Variants in GPC1 observed in about 807,000 individuals in gnomAD.
GPC1 encodes glypican 1.
In GPC1, 26 loss-of-function variants were observed where a neutral mutation model predicts 51.5. The ratio of observed to expected loss-of-function variants is 0.50; its 90% confidence interval spans 0.37 to 0.70. The LOEUF is 0.70. Ranked by LOEUF, GPC1 falls within the 30% of genes least tolerant of loss-of-function variation. The pLI is 0.00. For synonymous variants in GPC1, 380 were observed against 348.3 expected (o/e 1.09, Z -1.01); for missense variants, 775 against 800.5 (o/e 0.97, Z 0.38).
In GPC1 at chr2:240,465,047, C is replaced by T. The variant is rs2074249504; in HGVS notation, c.1135-30C>T. ...ACAGGCAGAGGCGGGCGGGCCCTGGCAGCCCAGTGGCCTGACTGCTGCCCC... is the reference window on the plus strand; with the variant it reads ...ACAGGCAGAGGCGGGCGGGCCCTGGTAGCCCAGTGGCCTGACTGCTGCCCC... On this transcript the variant is annotated intron_variant, in intron 6 of 8. Coordinates refer to ENST00000264039, the MANE Select transcript of GPC1 (RefSeq NM_002081.3). 4 of 1,585,096 alleles carry T rather than the reference C, an allele frequency of 2.5e-6. No homozygotes were observed. In the East Asian group the frequency reaches 9.2e-5, roughly 36 times the overall value.
rs765403227 is a variant in GPC1 at position 240,463,335 on chromosome 2, C to T, written c.718-12C>T. ...GGCCTCGGGGCCTGGCTTAGGGTCCCTTGCTCCCCAGGTCCCCCTGGGCCC... is the reference window on the plus strand; with the variant it reads ...GGCCTCGGGGCCTGGCTTAGGGTCCTTTGCTCCCCAGGTCCCCCTGGGCCC... On this transcript the variant is annotated splice_polypyrimidine_tract_variant and intron_variant, in intron 3 of 8. Transcript: ENST00000264039. 6.2e-6 allele frequency: 10 copies of T among 1,611,786 alleles called. No homozygotes were observed. In the East Asian group the frequency reaches 2.2e-4, roughly 36 times the overall value.
chr2:240,463,628 TG>T, intron 4 of GPC1, 116 bp downstream of exon 4: 2 of 849,200 alleles, frequency 2.4e-6, no homozygotes, highest in Non-Finnish European at 3.7e-6. Context: ...TGATCAGGGA[TG>T]CCCTGACCCG....
intron 1 of GPC1, among the ~76,000 whole-genome samples, chr2:240,446,264 A>G (rs11692341): frequency 0.3 from 44,588 of 150,568 alleles, 8,185 homozygotes; most frequent in African/African-American, 0.52. Context: ...TGCGAGTGAG[A>G]GGGACACATC....
chr2:240,453,982 T>C (rs1415231130), intron 1 of GPC1, among the ~76,000 whole-genome samples: 1 of 151,908 alleles, frequency 6.6e-6, no homozygotes, highest in East Asian at 1.9e-4. Flanking sequence ...CGCCCCTCGG[T>C]TTCGGGTCGC....
In GPC1 at chr2:240,467,475, C is replaced by A. The variant is rs2074273823; in HGVS notation, c.*1185C>A. ...CTTGGACCCTGGTGACCTCCTGTCA[C>A]TCACTGAGGCCATCAGGGCCCTGCC... On this transcript the variant is annotated 3_prime_UTR_variant, in exon 9 of 9. Coordinates refer to ENST00000264039, the MANE Select transcript of GPC1 (RefSeq NM_002081.3). 1 of 152,252 alleles carries A rather than the reference C, an allele frequency of 6.6e-6. No individual in the cohort carries two copies. The highest frequency in any genetic ancestry group is 2.4e-5 in the African/African-American group (1 of 41,458). The allele number at this position is 152,252 out of a possible 1,614,324, so 9.4% of individuals were successfully genotyped here.
intron 1 of GPC1, chr2:240,450,550 T>C (rs1239707473): frequency 4.3e-6 from 2 of 467,836 alleles, no homozygotes; most frequent in African/African-American, 2.0e-5. Flanking sequence ...GCGAGGCCCA[T>C]AGTGAGCTCT....
intron 2 of GPC1, among the ~76,000 whole-genome samples, chr2:240,460,756 C>T (rs2074208641): frequency 6.6e-6 from 1 of 152,182 alleles, no homozygotes; most frequent in Non-Finnish European, 1.5e-5. Context: ...ATGTGATGTG[C>T]CCAAGGCCCA....
intron 1 of GPC1, 117 bp from the exon 2 acceptor site, chr2:240,458,913 A>T (rs1195120557): frequency 3.6e-5 from 33 of 912,618 alleles, no homozygotes; most frequent in Admixed American, 3.5e-4. Context: ...AGGCTGGCCC[A>T]CCCCTGAGCT....
chr2:240,452,282 G>C (rs539036414), intron 1 of GPC1: 10 of 152,984 alleles, frequency 6.5e-5, no homozygotes, highest in Admixed American at 6.5e-4. Context: ...TGGCCTGTTG[G>C]GTTTGGTATG....
At position 240,462,567 on chromosome 2, in the gene GPC1, C is replaced by G; in HGVS notation, c.702C>G (p.Val234=). 6.6e-7 allele frequency: 1 copy of G among 1,526,360 alleles called. No individual in the cohort carries two copies. Among genetic ancestry groups the G allele is most frequent in the Non-Finnish European group, 8.8e-7 (1 of 1,140,426 alleles). The allele number at this position is 1,526,360 out of a possible 1,614,324, so 94.6% of individuals were successfully genotyped here. A position where few individuals can be genotyped will look rare whatever the true frequency, so the allele number is the denominator to read the frequency against. ...GCCTGGGCGTGGCCAGCGACGTGGT[C>G]CGGAAAGTGGCTCAGGTGCGCACAG... ...VQGLGVASDV[V]RKVAQVPLGP... is the part of the protein sequence containing the mutation. The change falls in exon 3 of 9, where the codon GTC becomes GTG. Residue 234 remains valine (V), a synonymous_variant. Transcript: ENST00000264039.
intron 1 of GPC1, among the ~76,000 whole-genome samples, chr2:240,456,394 C>T (rs1206243144): frequency 6.6e-6 from 1 of 152,116 alleles, no homozygotes; most frequent in Non-Finnish European, 1.5e-5. Flanking sequence ...CGCCACCCAC[C>T]CTCCTCCCTA....
intron 1 of GPC1, among the ~76,000 whole-genome samples, chr2:240,442,808 T>C (rs951021362): frequency 6.6e-5 from 10 of 152,214 alleles, no homozygotes; most frequent in Non-Finnish European, 1.5e-4. Flanking sequence ...GTTTTGTGAT[T>C]GTGGCCTCCT....
At chr2:240,455,160 C>T (rs2074145657) in intron 1 of GPC1, 1 of 158,056 alleles carries the variant, frequency 6.3e-6, no homozygotes, top group Non-Finnish European at 1.5e-5. Context: ...TGTGCTTTAA[C>T]CTGAGGAGCA....
chr2:240,444,593 T>TCAGCAGTGGCCAC (rs71046000), intron 1 of GPC1, among the ~76,000 whole-genome samples: 63,533 of 151,818 alleles, frequency 0.42, 14,595 homozygotes, highest in Non-Finnish European at 0.51. Context: ...GGGTGCGCCA[T>TCAGCAGTGGCCAC]CAGCAGTGGG....
chr2:240,463,918 GC>G, intron 4 of GPC1: 1 of 263,928 alleles, frequency 3.8e-6, no homozygotes. Flanking sequence ...GTGGGCCAGT[GC>G]CCACCAGTAC....
At chr2:240,458,080 G>C in intron 1 of GPC1, 1 of 470,868 alleles carries the variant, frequency 2.1e-6, no homozygotes, top group Non-Finnish European at 4.4e-6. Flanking sequence ...GGAACCACTT[G>C]CCCCCTCACT....
rs2074068801 is a variant in GPC1 at position 240,448,574 on chromosome 2, C to T, written c.167-10456C>T. Among the ~76,000 whole-genome samples, 1 of 151,780 alleles carries T rather than the reference C, an allele frequency of 6.6e-6. No individual in the cohort carries two copies. The highest frequency in any genetic ancestry group is 2.1e-4 in the South Asian group (1 of 4,808). ...GGTGGGAGTCACGGAGGCAGGGGGC[C>T]CCCATTCCCACCTGCTCCAGGACCC... On this transcript the variant is annotated intron_variant, in intron 1 of 8. Coordinates refer to ENST00000264039, the MANE Select transcript of GPC1 (RefSeq NM_002081.3). The surrounding 1 kb of genome is among the most constrained non-coding windows in gnomAD (Gnocchi z 4.5).
Position 240,465,575 on chromosome 2 carries a change from C to A in GPC1, c.1371C>A (p.Ile457=), listed in dbSNP as rs1362053008. 5 of 1,613,192 alleles carry A rather than the reference C, an allele frequency of 3.1e-6. No homozygotes were observed. The highest frequency in any genetic ancestry group is 4.2e-6 in the Non-Finnish European group (5 of 1,179,998). The change falls in exon 8 of 9, where the codon ATC becomes ATA. Residue 457 remains isoleucine, a synonymous_variant. Coordinates refer to ENST00000264039, the MANE Select transcript of GPC1 (RefSeq NM_002081.3). Reference sequence around the variant, plus strand: ...CGGACATGACCATCCGGCAGCAGATCATGCAGCTGAAGATCATGACCAACC... The same window carrying A: ...CGGACATGACCATCCGGCAGCAGATAATGCAGCTGAAGATCATGACCAACC... ...TKPDMTIRQQ[I]MQLKIMTNRL...
At chr2:240,463,067 C>T (rs911392546) in intron 3 of GPC1, among the ~76,000 whole-genome samples, 4 of 152,184 alleles carry the variant, frequency 2.6e-5, no homozygotes, top group African/African-American at 9.7e-5. Context: ...TGGGAACTGC[C>T]CCCACCTCCA....
Sources: gnomAD v4.1 joint callset for allele counts (sites outside exome capture counted in the v4.1 genomes callset) on GRCh38, gnomAD v4.1.1 for gene constraint, Gnocchi (gnomAD v3.1) non-coding constraint, MANE v1.5 for transcripts, NCBI Gene and HGNC (gene_info 2026-07-23, HGNC 2026-07-21) for gene names.